MDGA2: variants seen among roughly 807,000 people sequenced by gnomAD.
MDGA2 encodes the protein MAM domain containing glycosylphosphatidylinositol anchor 2, also known as MAM domain-containing glycosylphosphatidylinositol anchor protein 2.
Under a neutral mutation model 117.8 loss-of-function variants are expected in MDGA2, and 40 were observed. The ratio of observed to expected loss-of-function variants is 0.34; its 90% CI spans 0.26 to 0.44. MDGA2 has a LOEUF of 0.44. MDGA2 is among the 20% of genes least tolerant of loss of function. MDGA2 has a pLI of 1.00. For missense variants in MDGA2, 1,123 were observed against 1,250.6 expected (o/e 0.90, Z 1.54); for synonymous variants, 452 against 439.0 (o/e 1.03, Z -0.37).
intron 9 of MDGA2, among the ~76,000 whole-genome samples, chr14:46,940,611 G>C (rs1331205665): frequency 1.0e-4 from 14 of 139,542 alleles, no homozygotes; most frequent in African/African-American, 3.3e-4. Flanking sequence ...CTGGGTGACA[G>C]AGCGAGACTG....
intron 14 of MDGA2, chr14:46,871,907 A>G (rs1882016954): frequency 2.5e-6 from 1 of 401,494 alleles, no homozygotes; most frequent in Non-Finnish European, 5.2e-6. Flanking sequence ...CAGCATTTTG[A>G]GAGGCGAAGG....
intron 13 of MDGA2, 131 bp from the exon 14 acceptor site, chr14:46,873,722 ATC>A: frequency 1.2e-6 from 1 of 819,644 alleles, no homozygotes; most frequent in Non-Finnish European, 1.8e-6. Context: ...CATTTATAAA[ATC>A]TCTATGTGTA....
At chr14:47,124,518 T>G in intron 5 of MDGA2, among the ~76,000 whole-genome samples, 1 of 152,200 alleles carries the variant, frequency 6.6e-6, no homozygotes, top group Middle Eastern at 3.4e-3. Flanking sequence ...TATTATAAAC[T>G]TATGTCTGAA....
At chr14:46,943,435 G>A (rs1413951776) in intron 9 of MDGA2, among the ~76,000 whole-genome samples, 1 of 151,772 alleles carries the variant, frequency 6.6e-6, no homozygotes, top group Non-Finnish European at 1.5e-5. Context: ...CTACCATCTT[G>A]CTCTTTGTTT....
intron 1 of MDGA2, among the ~76,000 whole-genome samples, chr14:47,663,422 T>C (rs971985502): frequency 2.0e-5 from 3 of 152,298 alleles, no homozygotes; most frequent in African/African-American, 7.2e-5. Context: ...TATTCAGACA[T>C]GGAGAATAAT....
chr14:47,522,062 C>A (rs1894878918), intron 1 of MDGA2, among the ~76,000 whole-genome samples: 1 of 152,074 alleles, frequency 6.6e-6, no homozygotes, highest in Non-Finnish European at 1.5e-5. Flanking sequence ...CCCTGAATGA[C>A]TCTAAAAGGA....
chr14:47,042,398 A>T (rs1311582932), intron 7 of MDGA2, among the ~76,000 whole-genome samples: 1 of 151,428 alleles, frequency 6.6e-6, no homozygotes, highest in African/African-American at 2.4e-5. Context: ...GGTTAAAAAA[A>T]TTGCTGTAGA....
intron 3 of MDGA2, among the ~76,000 whole-genome samples, chr14:47,206,198 T>A (rs1176336865): frequency 2.6e-5 from 4 of 152,072 alleles, no homozygotes. Context: ...AATGCCATCA[T>A]GTCTTTGCCT....
At chr14:46,947,629 CAA>C (rs747694678) in intron 9 of MDGA2, among the ~76,000 whole-genome samples, 2 of 151,988 alleles carry the variant, frequency 1.3e-5, no homozygotes, top group Non-Finnish European at 2.9e-5. Flanking sequence ...TTCCCCTGCA[CAA>C]GCTCCCTCTC....
chr14:47,058,032 CAT>C (rs1566598181), intron 7 of MDGA2, among the ~76,000 whole-genome samples: 1 of 152,112 alleles, frequency 6.6e-6, no homozygotes, highest in African/African-American at 2.4e-5. Context: ...TCATCAAAAA[CAT>C]ATGTTGAAAT....
At chr14:46,847,078 A>G (rs1000765304) in intron 15 of MDGA2, among the ~76,000 whole-genome samples, 8 of 152,108 alleles carry the variant, frequency 5.3e-5, no homozygotes, top group African/African-American at 1.9e-4. Flanking sequence ...AACTTAGGCT[A>G]CTTTTGAGAA....
intron 10 of MDGA2, among the ~76,000 whole-genome samples, chr14:46,883,443 T>A (rs1358625055): frequency 6.6e-6 from 1 of 152,038 alleles, no homozygotes; most frequent in Non-Finnish European, 1.5e-5. Flanking sequence ...TTGATTAATC[T>A]GATAAAGAAG....
intron 8 of MDGA2, among the ~76,000 whole-genome samples, chr14:46,976,987 TAA>T (rs1283569932): frequency 6.6e-6 from 1 of 151,984 alleles, no homozygotes; most frequent in Non-Finnish European, 1.5e-5. Flanking sequence ...TCATGGAATT[TAA>T]GACAGAAGTC....
At position 47,061,380 on chromosome 14, in the gene MDGA2, G is replaced by A; in HGVS notation, c.1394C>T (p.Ser465Phe). 2 of 1,613,624 alleles carry A rather than the reference G, an allele frequency of 1.2e-6. No homozygotes were observed. The highest frequency in any genetic ancestry group is 1.7e-6 in the Non-Finnish European group (2 of 1,179,666). The change falls in exon 7 of 17, where the codon TCT (serine) becomes TTT (phenylalanine). Residue 465 changes from serine to phenylalanine, a missense_variant. Coordinates refer to ENST00000399232, the MANE Select transcript of MDGA2 (RefSeq NM_001113498.3). Reference sequence around the variant, plus strand: ...GATGTCCAAGTTTGTTGTTCCCGGAGAGACATCAGGATCAGTCTGTGTAAT... The same window carrying A: ...GATGTCCAAGTTTGTTGTTCCCGGAAAGACATCAGGATCAGTCTGTGTAAT... Reference protein sequence around the residue: ...MVITQTDPDVSPGTTNLDIID... With the variant: ...MVITQTDPDVFPGTTNLDIID...
chr14:47,626,712 T>C (rs1298957850), intron 1 of MDGA2, among the ~76,000 whole-genome samples: 1 of 152,152 alleles, frequency 6.6e-6, no homozygotes, highest in Non-Finnish European at 1.5e-5. Flanking sequence ...CAGCAGCTGC[T>C]GTGTTGGATT....
At chr14:47,645,888 C>T (rs1897522038) in intron 1 of MDGA2, among the ~76,000 whole-genome samples, 1 of 151,486 alleles carries the variant, frequency 6.6e-6, no homozygotes, top group African/African-American at 2.4e-5. Flanking sequence ...CTGGCTAACA[C>T]GATGAAACCC....
intron 1 of MDGA2, among the ~76,000 whole-genome samples, chr14:47,455,220 T>C (rs1893323373): frequency 6.6e-6 from 1 of 152,164 alleles, no homozygotes; most frequent in African/African-American, 2.4e-5. Context: ...TAAGAATGCA[T>C]TGCAGTCGGG....
chr14:47,362,931 G>A (rs887108542), intron 1 of MDGA2, among the ~76,000 whole-genome samples: 19 of 152,138 alleles, frequency 1.2e-4, no homozygotes, highest in African/African-American at 4.3e-4. Flanking sequence ...GATAGTTTTT[G>A]TTTTGAATTG....
chr14:46,880,803 CAAAAAAAAAA>C (rs568224124), intron 11 of MDGA2, among the ~76,000 whole-genome samples: 2 of 54,074 alleles, frequency 3.7e-5, no homozygotes, highest in Non-Finnish European at 7.0e-5. Flanking sequence ...ATCCCGTCTC[CAAAAAAAAAA>C]AAAAAAAAAA....
Sources: gnomAD v4.1 joint callset for allele counts (sites outside exome capture counted in the v4.1 genomes callset) on GRCh38, gnomAD v4.1.1 for gene constraint, MANE v1.5 for transcripts, NCBI Gene and HGNC (gene_info 2026-07-23, HGNC 2026-07-21) for gene names.